COL6A6: variants seen among roughly 807,000 people sequenced by gnomAD.
COL6A6 encodes collagen type VI alpha 6 chain.
In COL6A6, 183 loss-of-function variants were observed where a neutral mutation model predicts 208.6. That is an observed-to-expected ratio of 0.88 (90% CI 0.78 to 0.99). The LOEUF (loss-of-function observed/expected upper bound fraction) is 0.99, where lower values mean the gene tolerates loss of function less well. Ranked by LOEUF, COL6A6 falls within the 50% of genes least tolerant of loss-of-function variation. The probability of loss-of-function intolerance (pLI) is 0.00; values close to 1 mark genes in which losing one functional copy is unlikely to be tolerated. For synonymous variants in COL6A6, 973 were observed against 1,011.8 expected, an observed-to-expected ratio of 0.96 and a Z score of 0.73; for missense variants, 2,816 against 2,815.2, an observed-to-expected ratio of 1.00 and a Z score of -0.01.
chr3:130,670,317 T>C (rs372972096), intron 36 of COL6A6, among the ~76,000 whole-genome samples: 2 of 152,350 alleles, frequency 1.3e-5, no homozygotes, highest in East Asian at 3.9e-4. Context: ...AGCAGTGTTT[T>C]CACCAAGTCA....
intron 28 of COL6A6, among the ~76,000 whole-genome samples, chr3:130,636,733 C>T (rs1406200975): frequency 7.5e-6 from 1 of 133,670 alleles, no homozygotes; most frequent in Non-Finnish European, 1.6e-5. Context: ...TCTGCCTCTT[C>T]CTCCCCTTCC....
At chr3:130,593,327 G>A in intron 17 of COL6A6, 75 bp downstream of exon 17, 5 of 1,129,946 alleles carry the variant, frequency 4.4e-6, no homozygotes, top group Admixed American at 1.8e-5. Context: ...AGAATACTCA[G>A]TCAGCTATTG....
chr3:130,561,634 CTTTTTTTTTTTTT>C lies in COL6A6; in HGVS notation c.64+1223_64+1235del, dbSNP rs398052265. Among the ~76,000 whole-genome samples, 4 of 75,976 alleles carry C rather than the reference CTTTTTTTTTTTTT, an allele frequency of 5.3e-5. No individual in the cohort carries two copies. In the East Asian group the frequency reaches 1.3e-3, roughly 24 times the overall value. The allele number at this position is 75,976 out of a possible 152,430, so 49.8% of individuals were successfully genotyped here. ...CTTAGATGTTTTCTAGTTGAATCTA[CTTTTTTTTTTTTT>C]TTTTTTTTTTTTTTTTGAGACGGAG... On this transcript the variant is annotated intron_variant, in intron 2 of 36. Coordinates refer to ENST00000358511, the MANE Select transcript of COL6A6 (RefSeq NM_001102608.3).
Position 130,641,689 on chromosome 3 carries a change from G to C in COL6A6, c.5129G>C (p.Gly1710Ala). The C allele has an allele frequency of 6.3e-7, 1 of 1,599,892 alleles. No individual in the cohort carries two copies. Among genetic ancestry groups the C allele is most frequent in the Non-Finnish European group, 8.6e-7 (1 of 1,169,076 alleles). ...CTTCCAGGAGAGATGGGATCCCCTG[G>C]GGAACCAGGACCTCCTGGACGTAAG... ...AGLPGEMGSPGEPGPPGRKGV... is the reference protein window; with the variant it reads ...AGLPGEMGSPAEPGPPGRKGV... Residue 1710 changes from glycine to alanine, a missense_variant, in exon 29 of 37, where the codon GGG becomes GCG. Physicochemically the swap from Gly to Ala is moderately conservative, Grantham distance 60 (BLOSUM62 0). Transcript: ENST00000358511.
chr3:130,571,205 A>G lies in COL6A6; in HGVS notation c.2789A>G (p.Asn930Ser), dbSNP rs375254172. 42 of 1,613,660 alleles carry G rather than the reference A, an allele frequency of 2.6e-5. No individual in the cohort carries two copies. The highest frequency in any genetic ancestry group is 3.3e-4 in the Middle Eastern group (2 of 6,082). The change falls in exon 7 of 37, where the codon AAT becomes AGT. Residue 930 changes from asparagine (N) to serine (S), a missense_variant. Coordinates refer to ENST00000358511, the MANE Select transcript of COL6A6 (RefSeq NM_001102608.3). ...GAATCCCATGATGCTGATAAACTCA[A>G]TGCCACGGCAAAGGCCTTGCGGGAC... is the stretch of plus-strand genomic sequence containing the variant. ...DGESHDADKL[N>S]ATAKALRDKG...
chr3:130,600,562 G>T lies in COL6A6; in HGVS notation c.4653+752G>T, dbSNP rs144514933. 5.7e-3 allele frequency among the ~76,000 whole-genome samples: 869 copies of T among 152,306 alleles called. 12 individuals are homozygous for T. Among genetic ancestry groups the T allele is most frequent in the African/African-American group, 0.02 (832 of 41,552 alleles). ...AAAAAGGCATGAGATCATGTCCTTT[G>T]CAGGGATATGGATGAAGCTGGAGCC... On this transcript the variant is annotated intron_variant, in intron 20 of 36. Transcript: ENST00000358511.
chr3:130,552,407 T>A (rs1432640458), intron 1 of COL6A6, among the ~76,000 whole-genome samples: 2 of 152,224 alleles, frequency 1.3e-5, no homozygotes, highest in Non-Finnish European at 2.9e-5. Flanking sequence ...TGTCTTTTTT[T>A]TATCTTTGTT....
At chr3:130,553,711 G>A (rs1577683605) in intron 1 of COL6A6, among the ~76,000 whole-genome samples, 1 of 152,100 alleles carries the variant, frequency 6.6e-6, no homozygotes, top group Non-Finnish European at 1.5e-5. Context: ...TGGTCATTTG[G>A]AGGTAAGAAG....
Position 130,535,912 on chromosome 3 carries a change from T to C in COL6A6, c.-32+18515T>C, listed in dbSNP as rs548947003. Among the ~76,000 whole-genome samples, 9 of 152,326 alleles carry C rather than the reference T, an allele frequency of 5.9e-5. No homozygotes were observed. In the South Asian group the frequency reaches 1.9e-3, roughly 32 times the overall value. On this transcript the variant is annotated intron_variant, in intron 1 of 36. Transcript: ENST00000358511. Reference sequence around the variant, plus strand: ...GTACTACTTTATCACTGTAGGACCTTAGAAAAGTTACCTAGCTTCTGAGCC... The same window carrying C: ...GTACTACTTTATCACTGTAGGACCTCAGAAAAGTTACCTAGCTTCTGAGCC...
At chr3:130,543,347 G>GAT (rs2062419016) in intron 1 of COL6A6, among the ~76,000 whole-genome samples, 1 of 152,148 alleles carries the variant, frequency 6.6e-6, no homozygotes, top group Admixed American at 6.5e-5. Context: ...AATGATTATT[G>GAT]ATATAGTTGC....
chr3:130,670,291 T>C (rs1457502036), intron 36 of COL6A6, among the ~76,000 whole-genome samples: 2 of 152,162 alleles, frequency 1.3e-5, no homozygotes, highest in East Asian at 3.8e-4. Flanking sequence ...GGAGGGTACA[T>C]TAAAGCTGGT....
At chr3:130,573,695 T>C (rs2107950404) in intron 7 of COL6A6, among the ~76,000 whole-genome samples, 1 of 151,176 alleles carries the variant, frequency 6.6e-6, no homozygotes, top group Admixed American at 6.6e-5. Context: ...GGCTCCCGAG[T>C]AGCTGGGACC....
At position 130,592,504 on chromosome 3, in the gene COL6A6, A is replaced by G. The variant is rs747184825; in HGVS notation, c.4273-37A>G. ...TTTTCAAGACAGATCTCAGATTACA[A>G]TAGAAAAAGCTCATTTGGATATGTG... is the stretch of plus-strand genomic sequence containing the variant. On this transcript the variant is annotated intron_variant, in intron 13 of 36. Transcript: ENST00000358511. 10 of 1,496,808 alleles carry G rather than the reference A, an allele frequency of 6.7e-6. No individual in the cohort carries two copies. The African/African-American group carries it at 8.4e-5, about 13-fold the overall frequency. 92.7% of individuals were successfully genotyped at this position (1,496,808 alleles called of 1,614,324 possible).
Position 130,634,729 on chromosome 3 carries a change from C to G in COL6A6, c.5028+104C>G, listed in dbSNP as rs531321466. ...AGAACAGTTAATGATAAATAAATGT[C>G]CTACCTTTGTGCGGAGAAGGAGGGA... On this transcript the variant is annotated intron_variant, in intron 27 of 36. Transcript: ENST00000358511. 6.3e-5 allele frequency: 51 copies of G among 805,268 alleles called. No homozygotes were observed. In the African/African-American group the frequency reaches 8.6e-4, roughly 14 times the overall value. The allele number at this position is 805,268 out of a possible 1,614,324, so 49.9% of individuals were successfully genotyped here.
intron 4 of COL6A6, 104 bp from the exon 5 acceptor site, chr3:130,566,598 T>C (rs1269780624): frequency 2.1e-6 from 2 of 944,998 alleles, no homozygotes; most frequent in Non-Finnish European, 1.6e-6. Flanking sequence ...CTGTTTCCCA[T>C]TTTTCTGTCT....
chr3:130,543,134 G>C, intron 1 of COL6A6, among the ~76,000 whole-genome samples: 1 of 152,048 alleles, frequency 6.6e-6, no homozygotes, highest in East Asian at 1.9e-4. Flanking sequence ...TCGATGTCCT[G>C]ACCTCGTGAT....
At position 130,567,122 on chromosome 3, in the gene COL6A6, A is replaced by G. The variant is rs1234511327; in HGVS notation, c.1703A>G (p.Tyr568Cys). Residue 568 changes from tyrosine to cysteine, a missense_variant, in exon 5 of 37, where the codon TAT becomes TGT. Physicochemically the swap from Tyr to Cys is radical, Grantham distance 194 (BLOSUM62 -2). Transcript: ENST00000358511. ...CTGAGAGAAGAGCACATCCGAGTTT[A>G]TGCTATCGGGATCAAGGAGGCCAAC... Reference protein sequence around the residue: ...NRLREEHIRVYAIGIKEANQT... With the variant: ...NRLREEHIRVCAIGIKEANQT... 6.2e-7 allele frequency: 1 copy of G among 1,613,892 alleles called. No homozygotes were observed. Among genetic ancestry groups the G allele is most frequent in the Non-Finnish European group, 8.5e-7 (1 of 1,179,894 alleles).
At chr3:130,672,505 C>T (rs958784872) in intron 36 of COL6A6, among the ~76,000 whole-genome samples, 23 of 151,324 alleles carry the variant, frequency 1.5e-4, no homozygotes, top group African/African-American at 7.3e-5. Context: ...CGGGTTCAAG[C>T]GATTCTCCTG....
intron 8 of COL6A6, among the ~76,000 whole-genome samples, chr3:130,578,802 C>T (rs1560019262): frequency 6.6e-6 from 1 of 152,272 alleles, no homozygotes; most frequent in East Asian, 1.9e-4. Context: ...CCTAAGTTCA[C>T]GTGGGTTGCA....
Sources: allele counts gnomAD v4.1 joint callset (sites outside exome capture counted in the v4.1 genomes callset), GRCh38; gene constraint gnomAD v4.1.1; transcripts MANE v1.5; gene names NCBI Gene and HGNC (gene_info 2026-07-23, HGNC 2026-07-21).